Variants in PKD1 observed in about 807,000 individuals in gnomAD.
PKD1 encodes polycystin 1, transient receptor potential channel interacting, also known as polycystin-1.
PKD1 carries 81 observed loss-of-function variants against 361.7 expected under a neutral mutation model. The observed-to-expected ratio is 0.22, with a 90% CI of 0.19 to 0.27. The LOEUF is 0.27. Ranked by LOEUF, PKD1 falls within the 10% of genes least tolerant of loss-of-function variation. The pLI, the probability that PKD1 is intolerant of heterozygous loss-of-function variation, is 1.00. For missense variants in PKD1, 6,399 were observed against 6,118.3 expected (o/e 1.05, Z -1.53); for synonymous variants, 3,615 against 2,818.3 (o/e 1.28, Z -8.95).
rs1596481578 is a variant in PKD1 at position 2,091,818 on chromosome 16, G to A, written c.11500C>T (p.Leu3834=). The part of the protein sequence containing the change: ...GLSLEESRDR[L]RFLQLHNWLD... ...CAGTTGTGCAGCTGCAGGAAGCGCA[G>A]CCGGTCGCGGCTCTCCTCCAGGCTC... is the stretch of plus-strand genomic sequence containing the variant. Residue 3834 remains leucine (L), a synonymous_variant, in exon 41 of 46, where the codon CTG becomes TTG. Coordinates refer to ENST00000262304, the MANE Select transcript of PKD1 (RefSeq NM_001009944.3). 4 of 1,610,186 alleles carry A rather than the reference G, an allele frequency of 2.5e-6. No homozygotes were observed. The highest frequency in any genetic ancestry group is 2.2e-5 in the East Asian group (1 of 44,762).
At position 2,105,379 on chromosome 16, in the gene PKD1, C is replaced by G. The variant is rs1281594815; in HGVS notation, c.7959G>C (p.Leu2653=). 3 of 1,587,536 alleles carry G rather than the reference C, an allele frequency of 1.9e-6. No homozygotes were observed. Among genetic ancestry groups the G allele is most frequent in the Non-Finnish European group, 2.6e-6 (3 of 1,173,164 alleles). The change falls in exon 21 of 46, where the codon CTG becomes CTC. Residue 2653 remains leucine, a synonymous_variant. Transcript: ENST00000262304. ...RKNITETLVS[L]RVHTVDDIQQ... ...GGATGTCATCCACAGTGTGGACCCT[C>G]AGGGACACCAGAGTCTCCGTGATGT...
chr16:2,115,782 C>T (rs2855343), intron 9 of PKD1, among the ~76,000 whole-genome samples, 157 bp from the exon 10 acceptor site: 1 of 152,178 alleles, frequency 6.6e-6, no homozygotes, highest in Admixed American at 6.5e-5. Context: ...CTCCGGCCAG[C>T]CGACTGACCC....
At position 2,097,291 on chromosome 16, in the gene PKD1, A is replaced by G. The variant is rs142500703; in HGVS notation, c.10405+28T>C. On this transcript the variant is annotated intron_variant, in intron 33 of 45. Transcript: ENST00000262304. ...GGGCCCAGCTGCAAGGGTGAGCTTC[A>G]GAGCCCCCTCCTCTCACCCCAGCTC... is the stretch of plus-strand genomic sequence containing the variant. 33 of 1,610,898 alleles carry G rather than the reference A, an allele frequency of 2.0e-5. No homozygotes were observed. The East Asian group carries it at 7.4e-4, about 36-fold the overall frequency.
In PKD1 at chr16:2,111,263, C is replaced by A. The variant is rs139993510; in HGVS notation, c.3904G>T (p.Ala1302Ser). The change falls in exon 15 of 46, where the codon GCC (alanine) becomes TCC (serine). Residue 1302 changes from alanine (A) to serine (S), a missense_variant. Physicochemically the swap from Ala to Ser is moderately conservative, Grantham distance 99. Transcript: ENST00000262304. The stretch of plus-strand genomic sequence containing the variant: ...TCAGGCTGCGTGGGGATGCAGGCGG[C>A]GGGTTCAACGCGCAGCACCTCCAGG... ...FVLEVLRVEPAACIPTQPDAR... is the reference protein window; with the variant it reads ...FVLEVLRVEPSACIPTQPDAR... The A allele has an allele frequency of 3.7e-6, 6 of 1,609,654 alleles. No individual in the cohort carries two copies. Among genetic ancestry groups the A allele is most frequent in the Non-Finnish European group, 4.2e-6 (5 of 1,179,552 alleles).
Position 2,093,048 on chromosome 16 carries a change from T to C in PKD1, c.11062A>G (p.Ser3688Gly). Reference protein sequence around the residue: ...MLFLLVTLLASYGDASCHGHA... With the variant: ...MLFLLVTLLAGYGDASCHGHA... The stretch of plus-strand genomic sequence containing the variant: ...CCATGGCATGAGGCATCCCCATAGC[T>C]GGCCAGCAGGGTCACCAGCAGAAAA... The change falls in exon 38 of 46, where the codon AGC becomes GGC. Residue 3688 changes from serine (S) to glycine (G), a missense_variant. Coordinates refer to ENST00000262304, the MANE Select transcript of PKD1 (RefSeq NM_001009944.3). 1 of 1,612,846 alleles carries C rather than the reference T, an allele frequency of 6.2e-7. No individual in the cohort carries two copies. Among genetic ancestry groups the C allele is most frequent in the Non-Finnish European group, 8.5e-7 (1 of 1,179,968 alleles).
intron 44 of PKD1, 22 bp from the exon 45 acceptor site, chr16:2,090,612 T>A (rs1156945213): frequency 3.1e-6 from 5 of 1,608,708 alleles, no homozygotes; most frequent in Non-Finnish European, 4.2e-6. Context: ...GCGACACCAG[T>A]GAGGGCGTAC....
intron 26 of PKD1, 56 bp downstream of exon 26, chr16:2,102,005 A>C: frequency 8.7e-7 from 1 of 1,148,436 alleles, no homozygotes; most frequent in Non-Finnish European, 1.3e-6. Context: ...CAGAGGGTGC[A>C]ACCAGCACAG....
intron 29 of PKD1, 33 bp from the exon 30 acceptor site, chr16:2,099,803 G>T (rs1320618268): frequency 1.3e-6 from 2 of 1,554,170 alleles, no homozygotes; most frequent in Admixed American, 3.9e-5. Flanking sequence ...CACAGGTGAG[G>T]CTGAGGGGCA....
intron 10 of PKD1, chr16:2,115,174 C>G: frequency 2.8e-6 from 2 of 709,590 alleles, no homozygotes; most frequent in Non-Finnish European, 3.5e-6. Flanking sequence ...AGAGGAGGCA[C>G]AGCTCGTGCC....
chr16:2,115,018 C>G, intron 10 of PKD1, 93 bp from the exon 11 acceptor site: 2 of 1,513,852 alleles, frequency 1.3e-6, no homozygotes, highest in Non-Finnish European at 1.8e-6. Flanking sequence ...CAGGGCTCCC[C>G]GCTTCGTCAG....
Position 2,097,350 on chromosome 16 carries a change from G to A in PKD1, c.10374C>T (p.Pro3458=), listed in dbSNP as rs915648864. 5 of 1,612,452 alleles carry A rather than the reference G, an allele frequency of 3.1e-6. No homozygotes were observed. In the South Asian group the frequency reaches 5.5e-5, roughly 18 times the overall value. The change falls in exon 33 of 46, where the codon CCC becomes CCT. Residue 3458 remains proline (P), a synonymous_variant. Transcript: ENST00000262304. The part of the protein sequence containing the change: ...PEEDGFSLAS[P]YSPAKSFSAS... ...CTGAGAAGGATTTGGCAGGCGAGTA[G>A]GGGCTGGCCAGGGAGAAGCCGTCCT...
chr16:2,088,862 CACTCGCGCGT>C lies in PKD1; in HGVS notation c.*855_*864del. ...TTGAGGCTGCCTGGGCCATACAGCA[CACTCGCGCGT>C]GCGCGCGCGCACACACACACACACA... On this transcript the variant is annotated 3_prime_UTR_variant, in exon 46 of 46. Coordinates refer to ENST00000262304, the MANE Select transcript of PKD1 (RefSeq NM_001009944.3). 1.8e-6 allele frequency: 1 copy of C among 552,216 alleles called. No homozygotes were observed. Among genetic ancestry groups the C allele is most frequent in the Non-Finnish European group, 3.2e-6 (1 of 311,982 alleles). 34.2% of individuals were successfully genotyped at this position (552,216 alleles called of 1,614,324 possible).
chr16:2,132,552 A>G (rs1316235517), intron 1 of PKD1, among the ~76,000 whole-genome samples: 1 of 142,886 alleles, frequency 7.0e-6, no homozygotes, highest in Non-Finnish European at 1.5e-5. Flanking sequence ...TGCGGCCTGG[A>G]GACAAGAGCA....
chr16:2,123,378 T>A (rs1002346212), intron 1 of PKD1: 5 of 431,590 alleles, frequency 1.2e-5, no homozygotes, highest in East Asian at 1.4e-4. Flanking sequence ...AGGTGCCCCC[T>A]GGGTGTGGAA....
At position 2,114,449 on chromosome 16, in the gene PKD1, C is replaced by T. The variant is rs765756572; in HGVS notation, c.2574G>A (p.Thr858=). ...TGACACTGCCCCCAGGCCAGCGAGC[C>T]GTGGCCGTGGCGTTGGCACCAGAGT... ...QVDSGANATA[T]ARWPGGSVSA... The change falls in exon 11 of 46, where the codon ACG becomes ACA. Residue 858 remains threonine (T), a synonymous_variant. Coordinates refer to ENST00000262304, the MANE Select transcript of PKD1 (RefSeq NM_001009944.3). The T allele has an allele frequency of 1.2e-5, 19 of 1,598,426 alleles. No individual in the cohort carries two copies. The highest frequency in any genetic ancestry group is 6.7e-5 in the East Asian group (3 of 44,872).
At chr16:2,113,522 G>C (rs538338215) in intron 11 of PKD1, among the ~76,000 whole-genome samples, 1 of 152,272 alleles carries the variant, frequency 6.6e-6, no homozygotes, top group Admixed American at 6.5e-5. Context: ...CTGTGCCTCA[G>C]TTTCCCCATC....
In PKD1 at chr16:2,100,151, G is replaced by A; in HGVS notation, c.9712+15C>T. The A allele has an allele frequency of 6.2e-7, 1 of 1,606,346 alleles. No homozygotes were observed. Among genetic ancestry groups the A allele is most frequent in the African/African-American group, 1.3e-5 (1 of 74,828 alleles). ...CCAACCTCCCACGGAGTGGGAACAT[G>A]GAACGAGGCCTTACTCGCGGCCAGC... On this transcript the variant is annotated intron_variant, in intron 28 of 45. Transcript: ENST00000262304. The surrounding 1 kb of genome is among the most constrained non-coding windows in gnomAD (Gnocchi z 4.4).
rs1567185282 is a variant in PKD1, at chr16:2,106,339, T to A, written c.7490-35A>T. On this transcript the variant is annotated intron_variant, in intron 18 of 45. Transcript: ENST00000262304. The surrounding 1 kb of genome is among the most constrained non-coding windows in gnomAD (Gnocchi z 6.5). ...GGTCCCCACGGCATCACGGGAGGGCTCCGTGACGTCACAGAGTCGGGGGAT... is the reference window on the plus strand; with the variant it reads ...GGTCCCCACGGCATCACGGGAGGGCACCGTGACGTCACAGAGTCGGGGGAT... 1 of 1,602,336 alleles carries A rather than the reference T, an allele frequency of 6.2e-7. No homozygotes were observed. Among genetic ancestry groups the A allele is most frequent in the Admixed American group, 1.7e-5 (1 of 59,568 alleles).
At chr16:2,130,866 C>G (rs945309734) in intron 1 of PKD1, among the ~76,000 whole-genome samples, 2 of 152,228 alleles carry the variant, frequency 1.3e-5, no homozygotes, top group Admixed American at 1.3e-4. Context: ...CCTACCAAGT[C>G]CCTCGATGTG....
Sources: allele counts gnomAD v4.1 joint callset (sites outside exome capture counted in the v4.1 genomes callset), GRCh38; gene constraint gnomAD v4.1.1; non-coding constraint Gnocchi (gnomAD v3.1); transcripts MANE v1.5; gene names NCBI Gene and HGNC (gene_info 2026-07-23, HGNC 2026-07-21).